The following CD2AP variants were observed in gnomAD, a reference collection of about 807,000 sequenced individuals.
CD2AP encodes the protein CD2-associated protein.
CD2AP carries 46 observed loss-of-function variants against 85.1 expected under a neutral mutation model. That is an observed-to-expected ratio of 0.54 (90% CI 0.43 to 0.69). CD2AP has a LOEUF of 0.69. CD2AP is among the 30% of genes least tolerant of loss of function. The pLI is 0.00. For synonymous variants in CD2AP, 255 were observed against 252.9 expected (o/e 1.01, Z -0.08); for missense variants, 769 against 729.5 (o/e 1.05, Z -0.62).
At chr6:47,563,620 G>A (rs1210479925) in intron 5 of CD2AP, among the ~76,000 whole-genome samples, 2 of 152,096 alleles carry the variant, frequency 1.3e-5, no homozygotes, top group Admixed American at 6.5e-5. Flanking sequence ...CCATATATTC[G>A]TTGTGGATTA....
intron 1 of CD2AP, among the ~76,000 whole-genome samples, chr6:47,500,463 C>T (rs1252172318): frequency 6.6e-6 from 1 of 152,084 alleles, no homozygotes; most frequent in Admixed American, 6.6e-5. Flanking sequence ...TTGCCGGGTC[C>T]CTTATCATGT....
intron 11 of CD2AP, among the ~76,000 whole-genome samples, chr6:47,592,581 G>A (rs528984115): frequency 6.6e-6 from 1 of 152,222 alleles, no homozygotes; most frequent in African/African-American, 2.4e-5. Flanking sequence ...TTTATAACAA[G>A]CATCTTTCAA....
At chr6:47,591,804 A>G (rs542282675) in intron 11 of CD2AP, among the ~76,000 whole-genome samples, 2 of 152,216 alleles carry the variant, frequency 1.3e-5, no homozygotes, top group Non-Finnish European at 2.9e-5. Context: ...AAAAAATTAT[A>G]TACCTGAGAT....
chr6:47,492,520 A>AT (rs1765762243), intron 1 of CD2AP, among the ~76,000 whole-genome samples: 2 of 151,558 alleles, frequency 1.3e-5, no homozygotes, highest in East Asian at 1.9e-4. Context: ...ACCTGTTGTT[A>AT]TTTTTTGTAG....
At chr6:47,496,067 CTTTCT>C (rs1299483434) in intron 1 of CD2AP, among the ~76,000 whole-genome samples, 1 of 151,700 alleles carries the variant, frequency 6.6e-6, no homozygotes, top group Non-Finnish European at 1.5e-5. Context: ...TTTGTTTTTC[CTTTCT>C]TTTCTACATT....
chr6:47,506,748 C>G (rs1462398566), intron 2 of CD2AP, among the ~76,000 whole-genome samples: 1 of 143,894 alleles, frequency 6.9e-6, no homozygotes, highest in Non-Finnish European at 1.5e-5. Flanking sequence ...GCAGTACAGT[C>G]CAGCTTCGGC....
intron 2 of CD2AP, among the ~76,000 whole-genome samples, chr6:47,524,458 C>T (rs1034347399): frequency 6.6e-6 from 1 of 152,156 alleles, no homozygotes; most frequent in African/African-American, 2.4e-5. Flanking sequence ...TCTTAAACCC[C>T]TTCATCTAGG....
In CD2AP at chr6:47,517,002, G is replaced by C. The variant is rs182105388; in HGVS notation, c.165+13562G>C. On this transcript the variant is annotated intron_variant, in intron 2 of 17. Coordinates refer to ENST00000359314, the MANE Select transcript of CD2AP (RefSeq NM_012120.3). ...ATGTGATTCCTAATATGGGAGGTGG[G>C]GCCTGGTGGGAGGTGATTGACCCAT... is the stretch of plus-strand genomic sequence containing the variant. Among the ~76,000 whole-genome samples the C allele has an allele frequency of 8.5e-5, 13 of 152,250 alleles. No homozygotes were observed. The East Asian group carries it at 2.1e-3, about 25-fold the overall frequency.
chr6:47,618,806 G>A (rs1244551568), intron 17 of CD2AP, among the ~76,000 whole-genome samples: 1 of 152,132 alleles, frequency 6.6e-6, no homozygotes, highest in Non-Finnish European at 1.5e-5. Context: ...TTCTAGCAAA[G>A]TGAGCTGTTA....
chr6:47,612,270 T>A (rs971991063), intron 16 of CD2AP, among the ~76,000 whole-genome samples: 1 of 152,260 alleles, frequency 6.6e-6, no homozygotes, highest in East Asian at 1.9e-4. Context: ...GATCTCAGAT[T>A]TGTCTTGGTT....
At chr6:47,491,888 C>A (rs1358019994) in intron 1 of CD2AP, among the ~76,000 whole-genome samples, 1 of 152,020 alleles carries the variant, frequency 6.6e-6, no homozygotes, top group Non-Finnish European at 1.5e-5. Flanking sequence ...CCAAACAGAA[C>A]CAAGTTAAGC....
intron 17 of CD2AP, among the ~76,000 whole-genome samples, chr6:47,619,217 C>T (rs781198577): frequency 6.6e-6 from 1 of 152,194 alleles, no homozygotes; most frequent in Non-Finnish European, 1.5e-5. Context: ...TTTCATCCCT[C>T]GCCCCCTTCC....
chr6:47,584,460 A>G (rs997446565), intron 11 of CD2AP, among the ~76,000 whole-genome samples: 11 of 151,094 alleles, frequency 7.3e-5, no homozygotes, highest in African/African-American at 2.7e-4. Context: ...AGTTGATCCA[A>G]CACCGTTTGT....
At chr6:47,560,519 A>C (rs1046234001) in intron 5 of CD2AP, among the ~76,000 whole-genome samples, 3 of 151,800 alleles carry the variant, frequency 2.0e-5, no homozygotes, top group Non-Finnish European at 4.4e-5. Context: ...ATTTTTGAAG[A>C]GTTTAGGCTG....
intron 1 of CD2AP, among the ~76,000 whole-genome samples, chr6:47,487,752 T>TTTACA: frequency 6.6e-6 from 1 of 152,174 alleles, no homozygotes; most frequent in Non-Finnish European, 1.5e-5. Context: ...AGTGTGTAAA[T>TTTACA]GACCTTACTT....
chr6:47,553,568 G>A (rs1211143160), intron 4 of CD2AP, among the ~76,000 whole-genome samples: 1 of 114,828 alleles, frequency 8.7e-6, no homozygotes, highest in Admixed American at 1.1e-4. Flanking sequence ...ATTTCACTAT[G>A]TTGGCCAGGC....
chr6:47,579,290 G>T (rs9395281), intron 8 of CD2AP, 95 bp from the exon 9 acceptor site: 5 of 736,214 alleles, frequency 6.8e-6, no homozygotes, highest in Middle Eastern at 2.8e-4. Context: ...AGTCATGATC[G>T]CATCACTGCA....
At chr6:47,620,199 A>C (rs1769707282) in intron 17 of CD2AP, among the ~76,000 whole-genome samples, 1 of 152,192 alleles carries the variant, frequency 6.6e-6, no homozygotes, top group African/African-American at 2.4e-5. Flanking sequence ...TTCAGGTCTT[A>C]GGTTTAAGTC....
At chr6:47,498,657 G>C (rs9473121) in intron 1 of CD2AP, among the ~76,000 whole-genome samples, 93,095 of 151,984 alleles carry the variant, frequency 0.61, 29,245 homozygotes, top group Middle Eastern at 0.75. Flanking sequence ...AAAACAGTAA[G>C]ATACTTTGGA....
Sources: gnomAD v4.1 joint callset for allele counts (sites outside exome capture counted in the v4.1 genomes callset) on GRCh38, gnomAD v4.1.1 for gene constraint, MANE v1.5 for transcripts, NCBI Gene and HGNC (gene_info 2026-07-23, HGNC 2026-07-21) for gene names.